The following DDX4 variants were observed in gnomAD, a reference collection of about 807,000 sequenced individuals.
DDX4 encodes the protein DEAD-box helicase 4.
A neutral mutation model predicts 100.0 loss-of-function variants in DDX4; 25 were observed. The observed-to-expected ratio is 0.25, with a 90% CI of 0.18 to 0.35. The LOEUF (loss-of-function observed/expected upper bound fraction) is 0.35. DDX4 is among the 10% of genes least tolerant of loss of function. DDX4 has a pLI of 1.00. For missense variants in DDX4, 635 were observed against 882.4 expected, an observed-to-expected ratio of 0.72 and a Z score of 3.55; for synonymous variants, 259 against 275.7, an observed-to-expected ratio of 0.94 and a Z score of 0.60.
Position 55,798,587 on chromosome 5 carries a change from A to G in DDX4, c.1615+16A>G, listed in dbSNP as rs1743108643. ...CGAAACATAGGTATCTTACGTTGAT[A>G]CATTTTTTTGTCATGATTTTGATTT... is the stretch of plus-strand genomic sequence containing the variant. On this transcript the variant is annotated intron_variant, in intron 18 of 21. Coordinates refer to ENST00000505374, the MANE Select transcript of DDX4 (RefSeq NM_024415.3). The G allele has an allele frequency of 3.2e-6, 5 of 1,564,398 alleles. No homozygotes were observed. Among genetic ancestry groups the G allele is most frequent in the African/African-American group, 2.8e-5 (2 of 72,596 alleles).
At chr5:55,816,311 A>G in intron 21 of DDX4, 152 bp from the exon 22 acceptor site, 2 of 1,211,556 alleles carry the variant, frequency 1.7e-6, no homozygotes, top group Non-Finnish European at 2.2e-6. Flanking sequence ...CAGGTGAATC[A>G]GATTTAGTGA....
chr5:55,745,948 C>G (rs1759226768), intron 2 of DDX4, among the ~76,000 whole-genome samples: 1 of 152,112 alleles, frequency 6.6e-6, no homozygotes, highest in Admixed American at 6.6e-5. Flanking sequence ...GACCACTGTT[C>G]TATTGATATA....
Position 55,816,776 on chromosome 5 carries a change from TC to T in DDX4, c.*237del. On this transcript the variant is annotated 3_prime_UTR_variant, in exon 22 of 22. Transcript: ENST00000505374. ...TGGGAATATTAAAGCATTCTAAATGTCTTTCTTATTTCTGGTATATTCTTTA... is the reference window on the plus strand; with the variant it reads ...TGGGAATATTAAAGCATTCTAAATGTTTTCTTATTTCTGGTATATTCTTTA... 1.7e-6 allele frequency: 1 copy of T among 577,626 alleles called. No homozygotes were observed. The highest frequency in any genetic ancestry group is 2.7e-6 in the Non-Finnish European group (1 of 376,102). 35.8% of individuals were successfully genotyped at this position (577,626 alleles called of 1,614,324 possible).
At chr5:55,765,413 A>AAAAATATATATAT (rs1392558099) in intron 6 of DDX4, among the ~76,000 whole-genome samples, 10 of 83,004 alleles carry the variant, frequency 1.2e-4, no homozygotes, top group African/African-American at 1.7e-4. Flanking sequence ...AAAAAAAAAA[A>AAAAATATATATAT]ATATATATAT....
intron 18 of DDX4, among the ~76,000 whole-genome samples, chr5:55,813,048 GA>G (rs1744205209): frequency 6.6e-6 from 1 of 151,962 alleles, no homozygotes; most frequent in Admixed American, 6.6e-5. Context: ...CCCTGTGTGG[GA>G]AAATCTCCGG....
At chr5:55,780,213 A>G (rs1043479054) in intron 8 of DDX4, 148 bp downstream of exon 8, 15 of 1,278,626 alleles carry the variant, frequency 1.2e-5, no homozygotes, top group African/African-American at 6.0e-5. Flanking sequence ...CACATTGTAT[A>G]TAACATTATT....
chr5:55,749,428 T>C (rs1367504792), intron 3 of DDX4, among the ~76,000 whole-genome samples: 1 of 152,096 alleles, frequency 6.6e-6, no homozygotes, highest in Non-Finnish European at 1.5e-5. Flanking sequence ...TGAAACCCTG[T>C]CTCTTAAAAA....
At chr5:55,789,943 C>A (rs1169264696) in intron 15 of DDX4, among the ~76,000 whole-genome samples, 1 of 151,984 alleles carries the variant, frequency 6.6e-6, no homozygotes, top group African/African-American at 2.4e-5. Flanking sequence ...CCTGATAGAT[C>A]TTTTGGAAAA....
chr5:55,806,044 T>G (rs892533320), intron 18 of DDX4, among the ~76,000 whole-genome samples: 2 of 152,202 alleles, frequency 1.3e-5, no homozygotes, highest in Non-Finnish European at 2.9e-5. Flanking sequence ...CTTCCTGATT[T>G]AGTTTTGGGA....
chr5:55,813,638 G>T, intron 18 of DDX4, 35 bp from the exon 19 acceptor site: 3 of 1,513,610 alleles, frequency 2.0e-6, no homozygotes, highest in Non-Finnish European at 2.6e-6. Context: ...TCCTGATTTT[G>T]AAGTTTGAAT....
chr5:55,780,170 A>C (rs1201202154), intron 8 of DDX4, 105 bp downstream of exon 8: 11 of 1,494,776 alleles, frequency 7.4e-6, no homozygotes, highest in Admixed American at 2.2e-5. Flanking sequence ...ATATGAGAAT[A>C]GCTTAGCTCA....
chr5:55,746,616 C>T (rs1447370792), intron 3 of DDX4, among the ~76,000 whole-genome samples: 1 of 152,168 alleles, frequency 6.6e-6, no homozygotes, highest in Non-Finnish European at 1.5e-5. Context: ...ATCTGTCATA[C>T]CATCAGGATA....
Position 55,764,137 on chromosome 5 carries a change from G to A in DDX4, c.334+73G>A, listed in dbSNP as rs770221006. The A allele has an allele frequency of 8.8e-6, 10 of 1,136,050 alleles. No individual in the cohort carries two copies. The Admixed American group carries it at 1.2e-4, about 14-fold the overall frequency. The allele number at this position is 1,136,050 out of a possible 1,614,324, so 70.4% of individuals were successfully genotyped here. ...GCTAAAAAAGAGAAATTAAGATTAA[G>A]TCTCTTAGTCCGGGCCAATTCTAAC... On this transcript the variant is annotated intron_variant, in intron 6 of 21. Coordinates refer to ENST00000505374, the MANE Select transcript of DDX4 (RefSeq NM_024415.3).
rs1157587160 is a variant in DDX4 at position 55,753,668 on chromosome 5, T to G, written c.128-6532T>G. Among the ~76,000 whole-genome samples, 308 of 145,666 alleles carry G rather than the reference T, an allele frequency of 2.1e-3. 1 individual carries two copies. Among genetic ancestry groups the G allele is most frequent in the African/African-American group, 5.9e-3 (233 of 39,668 alleles). ...TTGGCGATGCGGGCTCTTTTTTGGTTCCATATGAACTTTAAAGTAGTTTTT... is the reference window on the plus strand; with the variant it reads ...TTGGCGATGCGGGCTCTTTTTTGGTGCCATATGAACTTTAAAGTAGTTTTT... On this transcript the variant is annotated intron_variant, in intron 3 of 21. Coordinates refer to ENST00000505374, the MANE Select transcript of DDX4 (RefSeq NM_024415.3).
chr5:55,766,632 A>G (rs940663205), intron 6 of DDX4, among the ~76,000 whole-genome samples: 28 of 152,136 alleles, frequency 1.8e-4, no homozygotes, highest in African/African-American at 6.8e-4. Context: ...GGAGACTGCA[A>G]CAAGAGCTTT....
At chr5:55,800,324 GT>G (rs776992728) in intron 18 of DDX4, among the ~76,000 whole-genome samples, 115 of 137,416 alleles carry the variant, frequency 8.4e-4, no homozygotes, top group Admixed American at 1.2e-3. Flanking sequence ...GTCACCTTAA[GT>G]TTTTTTTTTT....
chr5:55,794,287 A>G (rs1742777737), intron 17 of DDX4, among the ~76,000 whole-genome samples: 1 of 151,266 alleles, frequency 6.6e-6, no homozygotes, highest in Non-Finnish European at 1.5e-5. Flanking sequence ...TCCCGGGTTC[A>G]AGCGATTCTC....
intron 2 of DDX4, among the ~76,000 whole-genome samples, chr5:55,739,490 C>G (rs1395502977): frequency 6.6e-6 from 1 of 152,086 alleles, no homozygotes; most frequent in African/African-American, 2.4e-5. Context: ...GATCTTTTTT[C>G]TTAATGGCAT....
intron 18 of DDX4, among the ~76,000 whole-genome samples, chr5:55,807,338 G>C (rs1743797895): frequency 6.6e-6 from 1 of 152,114 alleles, no homozygotes; most frequent in Admixed American, 6.5e-5. Context: ...GGTTAATATT[G>C]TTATGTGTGA....
Sources: allele counts gnomAD v4.1 joint callset (sites outside exome capture counted in the v4.1 genomes callset), GRCh38; gene constraint gnomAD v4.1.1; transcripts MANE v1.5; gene names NCBI Gene and HGNC (gene_info 2026-07-23, HGNC 2026-07-21).